RASAL2: variants seen among roughly 807,000 people sequenced by gnomAD.
The protein encoded by RASAL2 is RAS protein activator like 2, also known as ras GTPase-activating protein nGAP.
Under a neutral mutation model 128.9 loss-of-function variants are expected in RASAL2, and 58 were observed. The ratio of observed to expected loss-of-function variants is 0.45; its 90% CI spans 0.36 to 0.56. The LOEUF (loss-of-function observed/expected upper bound fraction) is 0.56. RASAL2 is among the 20% of genes least tolerant of loss of function. The pLI, the probability that RASAL2 is intolerant of heterozygous loss-of-function variation, is 0.00. For synonymous variants in RASAL2, 561 were observed against 580.8 expected (o/e 0.97, Z 0.49); for missense variants, 1,360 against 1,601.6 (o/e 0.85, Z 2.57).
At chr1:178,095,470 CT>C (rs1427021851) in intron 1 of RASAL2, among the ~76,000 whole-genome samples, 3 of 152,216 alleles carry the variant, frequency 2.0e-5, no homozygotes, top group Non-Finnish European at 4.4e-5. Context: ...TGAGCTGTGG[CT>C]TTCCAAAATA....
chr1:178,448,659 CA>C (rs976712958), intron 9 of RASAL2, among the ~76,000 whole-genome samples: 235 of 137,814 alleles, frequency 1.7e-3, no homozygotes, highest in African/African-American at 2.0e-3. Flanking sequence ...AAAAGTCCAC[CA>C]AAAAAAAAAA....
chr1:178,295,596 G>T (rs1667459700), intron 2 of RASAL2, among the ~76,000 whole-genome samples: 1 of 152,112 alleles, frequency 6.6e-6, no homozygotes, highest in Admixed American at 6.6e-5. Context: ...TAAGGCAGTG[G>T]TTCGCAACCT....
intron 3 of RASAL2, among the ~76,000 whole-genome samples, chr1:178,364,120 A>G (rs1199430708): frequency 6.6e-6 from 1 of 151,626 alleles, no homozygotes; most frequent in East Asian, 1.9e-4. Flanking sequence ...AGAAGAAACT[A>G]TGGGGTCTGG....
intron 1 of RASAL2, among the ~76,000 whole-genome samples, chr1:178,160,111 G>A (rs316251): frequency 1 from 151,733 of 151,962 alleles, 75,752 homozygotes; most frequent in Middle Eastern, 1. Flanking sequence ...CAGGTTTGTT[G>A]CATATGTATA....
At chr1:178,276,383 G>C (rs753523810) in intron 1 of RASAL2, among the ~76,000 whole-genome samples, 1 of 152,134 alleles carries the variant, frequency 6.6e-6, no homozygotes, top group African/African-American at 2.4e-5. Context: ...TGTACTTTAA[G>C]AATGAAAGAG....
intron 2 of RASAL2, among the ~76,000 whole-genome samples, chr1:178,297,533 G>A (rs1176495197): frequency 6.6e-6 from 1 of 150,804 alleles, no homozygotes; most frequent in East Asian, 1.9e-4. Context: ...CTTGAACTTG[G>A]GAGGCGGAGG....
intron 1 of RASAL2, among the ~76,000 whole-genome samples, chr1:178,135,328 A>G (rs1371793431): frequency 3.3e-5 from 5 of 152,152 alleles, no homozygotes; most frequent in African/African-American, 9.7e-5. Flanking sequence ...GTTGAGAAAT[A>G]AAGTTTATAC....
intron 16 of RASAL2, among the ~76,000 whole-genome samples, chr1:178,466,706 C>T (rs1284683603): frequency 6.6e-6 from 1 of 152,242 alleles, no homozygotes; most frequent in Admixed American, 6.5e-5. Flanking sequence ...TGCCCAAGGT[C>T]ACATAGTGAT....
At chr1:178,346,681 A>T (rs1670170360) in intron 3 of RASAL2, among the ~76,000 whole-genome samples, 1 of 152,172 alleles carries the variant, frequency 6.6e-6, no homozygotes, top group Non-Finnish European at 1.5e-5. Context: ...TTTAAAGATA[A>T]TTTTTTAAAG....
intron 14 of RASAL2, 26 bp from the exon 15 acceptor site, chr1:178,464,252 A>G (rs1335983717): frequency 1.9e-6 from 3 of 1,587,590 alleles, no homozygotes; most frequent in Non-Finnish European, 8.6e-7. Context: ...TGTTAGGGGA[A>G]ATGCTAATAA....
intron 1 of RASAL2, among the ~76,000 whole-genome samples, chr1:178,261,739 A>G: frequency 6.6e-6 from 1 of 151,292 alleles, no homozygotes; most frequent in East Asian, 1.9e-4. Context: ...AGATGGTGAA[A>G]CCCCGTCTCT....
intron 1 of RASAL2, among the ~76,000 whole-genome samples, chr1:178,135,496 T>TAAAAAAAAA: frequency 8.6e-6 from 1 of 116,368 alleles, no homozygotes. Context: ...TGTCTCTTCA[T>TAAAAAAAAA]AAAAAAAAAA....
chr1:178,271,830 C>T (rs1259595156), intron 1 of RASAL2, among the ~76,000 whole-genome samples: 1 of 152,208 alleles, frequency 6.6e-6, no homozygotes, highest in Non-Finnish European at 1.5e-5. Context: ...AAACTTTTCA[C>T]TAGCCTCCTA....
In RASAL2 at chr1:178,132,518, C is replaced by T. The variant is rs900829421; in HGVS notation, c.202+37824C>T. On this transcript the variant is annotated intron_variant, in intron 1 of 17. Transcript: ENST00000367649. ...TGAATAGGATCATATATGAGGAGAA[C>T]ATAAATCACCCAGTAATTTACCTGT... 3.3e-5 allele frequency among the ~76,000 whole-genome samples: 5 copies of T among 152,190 alleles called. No homozygotes were observed. In the South Asian group the frequency reaches 1.0e-3, roughly 32 times the overall value.
chr1:178,286,371 T>C (rs1667024893), intron 2 of RASAL2, among the ~76,000 whole-genome samples: 1 of 152,164 alleles, frequency 6.6e-6, no homozygotes, highest in Non-Finnish European at 1.5e-5. Context: ...TTCTCCCCTG[T>C]TTTCCCTAAA....
chr1:178,112,454 G>A (rs974039216), intron 1 of RASAL2, among the ~76,000 whole-genome samples: 1 of 151,980 alleles, frequency 6.6e-6, no homozygotes, highest in Non-Finnish European at 1.5e-5. Context: ...GGAGGCTGAG[G>A]CAGGAGAATT....
At chr1:178,321,529 G>T (rs1403381114) in intron 3 of RASAL2, among the ~76,000 whole-genome samples, 1 of 150,390 alleles carries the variant, frequency 6.6e-6, no homozygotes, top group Non-Finnish European at 1.5e-5. Flanking sequence ...TTTTTTAGCT[G>T]GTGTCTCGCT....
At chr1:178,182,662 A>G (rs747647157) in intron 1 of RASAL2, among the ~76,000 whole-genome samples, 8 of 152,060 alleles carry the variant, frequency 5.3e-5, no homozygotes, top group Non-Finnish European at 8.8e-5. Context: ...CCACTCCAAC[A>G]ATTCGAAACT....
At chr1:178,245,215 T>G (rs372785379) in intron 1 of RASAL2, among the ~76,000 whole-genome samples, 17 of 152,350 alleles carry the variant, frequency 1.1e-4, no homozygotes, top group Admixed American at 3.3e-4. Context: ...CGTTCCTATT[T>G]CTCCGCATCC....
Sources: allele counts gnomAD v4.1 joint callset (sites outside exome capture counted in the v4.1 genomes callset), GRCh38; gene constraint gnomAD v4.1.1; transcripts MANE v1.5; gene names NCBI Gene and HGNC (gene_info 2026-07-23, HGNC 2026-07-21).